DOCK8: variants seen among roughly 807,000 people sequenced by gnomAD.
DOCK8 encodes dedicator of cytokinesis 8.
In DOCK8, 141 loss-of-function variants were observed where a neutral mutation model predicts 245.6. That is an observed-to-expected ratio of 0.57 (90% CI 0.50 to 0.66). DOCK8 has a LOEUF of 0.66. Among genes scored for constraint, DOCK8 ranks in the 30% least tolerant of loss-of-function variants. The probability of loss-of-function intolerance (pLI) is 0.00; values close to 1 mark genes in which losing one functional copy is unlikely to be tolerated. For synonymous variants in DOCK8, 1,168 were observed against 970.2 expected (o/e 1.20, Z -3.79); for missense variants, 2,965 against 2,603.4 (o/e 1.14, Z -3.02).
At chr9:360,082 G>A (rs970653351) in intron 14 of DOCK8, among the ~76,000 whole-genome samples, 5 of 151,980 alleles carry the variant, frequency 3.3e-5, no homozygotes, top group African/African-American at 7.2e-5. Context: ...TTGGGAGGCC[G>A]AGGCGGGCGG....
intron 1 of DOCK8, chr9:215,876 G>C (rs1221369558): frequency 1.2e-5 from 2 of 166,182 alleles, no homozygotes; most frequent in East Asian, 3.8e-4. Context: ...AAGCTAGACT[G>C]TCTAGTTAAA....
chr9:421,056 G>C lies in DOCK8; in HGVS notation c.4131G>C (p.Glu1377Asp). The change falls in exon 32 of 48, where the codon GAG (glutamate) becomes GAC (aspartate). Residue 1377 changes from glutamate to aspartate, a missense_variant. Physicochemically the swap from Glu to Asp is conservative, Grantham distance 45. Coordinates refer to ENST00000432829, the MANE Select transcript of DOCK8 (RefSeq NM_203447.4). ...TCCGTGGGGAAGGGGCCAGAGGGGA[G>C]ATGATGCGCCGCCGGGCTCCAGGTG... is the stretch of plus-strand genomic sequence containing the variant. ...ALLRGEGARG[E>D]MMRRRAPGND... The C allele has an allele frequency of 3.1e-6, 5 of 1,614,204 alleles. No individual in the cohort carries two copies. Among genetic ancestry groups the C allele is most frequent in the Non-Finnish European group, 4.2e-6 (5 of 1,180,044 alleles).
chr9:272,270 C>T (rs532701), intron 2 of DOCK8, among the ~76,000 whole-genome samples: 62,451 of 151,890 alleles, frequency 0.41, 13,284 homozygotes, highest in East Asian at 0.79. Context: ...TTCCCCAGCG[C>T]GCTTTTACAA....
At chr9:438,974 C>G (rs926817044) in intron 39 of DOCK8, among the ~76,000 whole-genome samples, 1 of 152,206 alleles carries the variant, frequency 6.6e-6, no homozygotes, top group African/African-American at 2.4e-5. Flanking sequence ...TAAAGTAACT[C>G]AGCTGTTGTG....
intron 9 of DOCK8, among the ~76,000 whole-genome samples, chr9:328,792 G>GT (rs1346500450): frequency 6.6e-6 from 1 of 151,266 alleles, no homozygotes; most frequent in East Asian, 1.9e-4. Flanking sequence ...TGGGGCAATT[G>GT]TAAGTAGAAG....
rs947465856 is a variant in DOCK8, at chr9:255,442, C to T, written c.54-16185C>T. On this transcript the variant is annotated intron_variant, in intron 1 of 47. Transcript: ENST00000432829. ...CAGCACTTTGGGAGGCCAAGGCGGG[C>T]AGATCACCTGAGGTCAGGAGTTTGA... Among the ~76,000 whole-genome samples, 46 of 152,084 alleles carry T rather than the reference C, an allele frequency of 3.0e-4. 1 individual carries two copies. The highest frequency in any genetic ancestry group is 1.3e-4 in the Non-Finnish European group (9 of 68,026).
chr9:223,345 G>T (rs2046925091), intron 1 of DOCK8, among the ~76,000 whole-genome samples: 2 of 152,190 alleles, frequency 1.3e-5, no homozygotes, highest in Non-Finnish European at 2.9e-5. Context: ...GAGGATTATT[G>T]TGTTCTAAGT....
At chr9:429,997 T>G in intron 36 of DOCK8, 143 bp downstream of exon 36, 1 of 981,924 alleles carries the variant, frequency 1.0e-6, no homozygotes, top group Non-Finnish European at 1.5e-6. Flanking sequence ...AGTATGTAGA[T>G]AGATAGCAGC....
At chr9:408,728 C>T (rs1307422328) in intron 28 of DOCK8, among the ~76,000 whole-genome samples, 1 of 152,150 alleles carries the variant, frequency 6.6e-6, no homozygotes, top group Non-Finnish European at 1.5e-5. Context: ...TATTTTCATT[C>T]TAGCTGGAAA....
chr9:415,074 A>G, intron 29 of DOCK8, 123 bp downstream of exon 29: 1 of 1,394,248 alleles, frequency 7.2e-7, no homozygotes, highest in Non-Finnish European at 1.0e-6. Context: ...CTTCACAAAA[A>G]TGGTCTCCAA....
intron 2 of DOCK8, among the ~76,000 whole-genome samples, chr9:281,996 A>T (rs2048608326): frequency 6.6e-6 from 1 of 152,208 alleles, no homozygotes; most frequent in South Asian, 2.1e-4. Flanking sequence ...TCAGTACTGG[A>T]ATAGCTTCAG....
chr9:243,955 C>T (rs868663579), intron 1 of DOCK8, among the ~76,000 whole-genome samples: 19 of 151,898 alleles, frequency 1.3e-4, no homozygotes, highest in Admixed American at 6.6e-4. Context: ...GAGGCCGAGG[C>T]GGGCAGATCA....
Position 450,073 on chromosome 9 carries a change from T to C in DOCK8, c.5961+146T>C, listed in dbSNP as rs911513537. On this transcript the variant is annotated intron_variant, in intron 45 of 47. Transcript: ENST00000432829. ...TTCCTACACTTAACCTGAACACCTG[T>C]AAGGTTTAGAAGACTTTTAGGAAAC... 4.6e-6 allele frequency: 4 copies of C among 865,130 alleles called. No homozygotes were observed. In the African/African-American group the frequency reaches 6.8e-5, roughly 15 times the overall value. 53.6% of individuals were successfully genotyped at this position (865,130 alleles called of 1,614,324 possible). A position where few individuals can be genotyped will look rare whatever the true frequency, so the allele number is the denominator to read the frequency against.
At chr9:437,406 C>T (rs1003793878) in intron 39 of DOCK8, among the ~76,000 whole-genome samples, 19 of 152,218 alleles carry the variant, frequency 1.2e-4, no homozygotes, top group African/African-American at 4.3e-4. Context: ...AGCCTCAGTG[C>T]ATCTTACTGA....
At chr9:359,778 C>T (rs1228636238) in intron 14 of DOCK8, among the ~76,000 whole-genome samples, 1 of 134,636 alleles carries the variant, frequency 7.4e-6, no homozygotes, top group Non-Finnish European at 1.5e-5. Flanking sequence ...ATTTCCACTT[C>T]ATCAATTTTT....
intron 1 of DOCK8, among the ~76,000 whole-genome samples, chr9:238,829 TTA>T (rs2047319075): frequency 6.6e-6 from 1 of 152,226 alleles, no homozygotes; most frequent in Non-Finnish European, 1.5e-5. Flanking sequence ...AGTACAATAA[TTA>T]TTTACTGAGT....
At chr9:342,604 G>A (rs1190445218) in intron 14 of DOCK8, among the ~76,000 whole-genome samples, 13 of 151,890 alleles carry the variant, frequency 8.6e-5, no homozygotes, top group Admixed American at 8.5e-4. Flanking sequence ...CGAGTAGCTG[G>A]GACTACAGGT....
intron 7 of DOCK8, among the ~76,000 whole-genome samples, chr9:318,827 C>G (rs574664025): frequency 6.6e-6 from 1 of 152,212 alleles, no homozygotes; most frequent in African/African-American, 2.4e-5. Flanking sequence ...CCTGCCCCGA[C>G]AGGATGCATC....
chr9:342,759 T>G (rs1440729158), intron 14 of DOCK8, among the ~76,000 whole-genome samples: 1 of 152,166 alleles, frequency 6.6e-6, no homozygotes, highest in Non-Finnish European at 1.5e-5. Flanking sequence ...TGAGCCACCA[T>G]GCCCATCCTG....
Sources: allele counts gnomAD v4.1 joint callset (sites outside exome capture counted in the v4.1 genomes callset), GRCh38; gene constraint gnomAD v4.1.1; transcripts MANE v1.5; gene names NCBI Gene and HGNC (gene_info 2026-07-23, HGNC 2026-07-21).